KRT36: variants seen among roughly 807,000 people sequenced by gnomAD.
The protein encoded by KRT36 is keratin 36, also known as keratin, type I cuticular Ha6.
Under a neutral mutation model 43.0 loss-of-function variants are expected in KRT36, and 41 were observed. The observed-to-expected ratio is 0.95, with a 90% CI of 0.74 to 1.24. KRT36 has a LOEUF of 1.24. KRT36 is among the 50% of genes most tolerant of loss of function. KRT36 has a pLI of 0.00. For missense variants in KRT36, 627 were observed against 595.3 expected (o/e 1.05, Z -0.55); for synonymous variants, 277 against 252.9 (o/e 1.10, Z -0.90).
In KRT36 at chr17:41,489,859, G is replaced by T; in HGVS notation, c.6C>A (p.Ala2=). M[A]TQTCTPTFST... ...AGAAGGTAGGGGTGCAGGTCTGGGT[G>T]GCCATGGTGCTAGCAGAGGAAGGTT... Residue 2 remains alanine, a synonymous_variant, in exon 1 of 7, where the codon GCC becomes GCA. Coordinates refer to ENST00000328119, the MANE Select transcript of KRT36 (RefSeq NM_003771.5). 2 of 1,611,242 alleles carry T rather than the reference G, an allele frequency of 1.2e-6. No homozygotes were observed. The highest frequency in any genetic ancestry group is 2.7e-5 in the African/African-American group (2 of 74,960).
intron 4 of KRT36, 41 bp from the exon 5 acceptor site, chr17:41,487,517 C>T (rs1284193865): frequency 6.2e-6 from 10 of 1,613,136 alleles, no homozygotes; most frequent in Non-Finnish European, 2.5e-6. Flanking sequence ...TCAAACCAAG[C>T]TACTTCCAAG....
rs202091233 is a variant in KRT36 at position 41,486,964 on chromosome 17, C to G, written c.1194G>C (p.Glu398Asp). 4.3e-6 allele frequency: 7 copies of G among 1,613,000 alleles called. No individual in the cohort carries two copies. In the African/African-American group the frequency reaches 6.7e-5, roughly 15 times the overall value. ...GGGCCACTCACTTGCAGTCCTCTCC[C>G]TCCAGCAGGTGGCGGTAGGTAGCGA... Reference protein sequence around the residue: ...GEIATYRHLLEGEDCKLPPQP... With the variant: ...GEIATYRHLLDGEDCKLPPQP... The change falls in exon 6 of 7, where the codon GAG (glutamate) becomes GAC (aspartate). Residue 398 changes from glutamate to aspartate, a missense_variant. Transcript: ENST00000328119.
At chr17:41,487,205 G>T in intron 5 of KRT36, 35 bp from the exon 6 acceptor site, 1 of 1,597,216 alleles carries the variant, frequency 6.3e-7, no homozygotes. Context: ...GCCTATTGGG[G>T]AGGAATCCCC....
chr17:41,488,863 A>G (rs1904482757), intron 1 of KRT36, 139 bp from the exon 2 acceptor site: 2 of 722,356 alleles, frequency 2.8e-6, no homozygotes, highest in Non-Finnish European at 4.9e-6. Context: ...GCCACACCCC[A>G]GGTGTGGGGG....
intron 5 of KRT36, 37 bp downstream of exon 5, chr17:41,487,314 C>A: frequency 6.2e-7 from 1 of 1,600,668 alleles, no homozygotes; most frequent in Non-Finnish European, 8.5e-7. Context: ...GGACCTGCCA[C>A]AGGCCGTGGC....
rs117481918 is a variant in KRT36, at chr17:41,489,424, G to C, written c.441C>G (p.Ile147Met). Residue 147 changes from isoleucine (I) to methionine (M), a missense_variant, in exon 1 of 7, where the codon ATC becomes ATG. Ile to Met is a conservative substitution (Grantham distance 10). Coordinates refer to ENST00000328119, the MANE Select transcript of KRT36 (RefSeq NM_003771.5). Reference protein sequence around the residue: ...CPDYQSYFKTIEDFQQKILLT... With the variant: ...CPDYQSYFKTMEDFQQKILLT... ...CCCTCACCTTCTGCTGGAAATCTTC[G>C]ATGGTCTTGAAGTAGGACTGGTAGT... 4.2e-5 allele frequency: 68 copies of C among 1,613,178 alleles called. 1 individual carries two copies. Among genetic ancestry groups the C allele is most frequent in the South Asian group, 6.6e-5 (6 of 91,082 alleles).
At chr17:41,487,298 C>T in intron 5 of KRT36, 53 bp downstream of exon 5, 1 of 1,584,126 alleles carries the variant, frequency 6.3e-7, no homozygotes, top group Non-Finnish European at 8.6e-7. Context: ...GAGGCTGGTG[C>T]GTCGGGGACC....
chr17:41,486,261 T>C lies in KRT36; in HGVS notation c.*115A>G. 5.3e-6 allele frequency: 4 copies of C among 760,000 alleles called. No individual in the cohort carries two copies. The South Asian group carries it at 7.3e-5, about 14-fold the overall frequency. 47.1% of individuals were successfully genotyped at this position (760,000 alleles called of 1,614,324 possible). ...CGGGGAGTGTTTTGGTAGAAAAACC[T>C]GCTAAGCGTAGGGGGACCCCTCTAG... On this transcript the variant is annotated 3_prime_UTR_variant, in exon 7 of 7. Transcript: ENST00000328119.
rs150707929 is a variant in KRT36, at chr17:41,489,811, G to A, written c.54C>T (p.Leu18=). 6 of 1,613,746 alleles carry A rather than the reference G, an allele frequency of 3.7e-6. No individual in the cohort carries two copies. The highest frequency in any genetic ancestry group is 4.2e-6 in the Non-Finnish European group (5 of 1,180,004). The change falls in exon 1 of 7, where the codon CTC becomes CTT. Residue 18 remains leucine, a synonymous_variant. Transcript: ENST00000328119. ...GAGAGATGCCGCCTGCTGTGCCACA[G>A]AGGCCCTTGATAGACCCAGTGGAGA... ...PTFSTGSIKG[L]CGTAGGISRV... is the part of the protein sequence containing the mutation.
Position 41,489,761 on chromosome 17 carries a change from C to T in KRT36, c.104G>A (p.Gly35Asp). The part of the protein sequence containing the change: ...ISRVSSIRSV[G>D]SCRVPSLAGA... ...GGCGAGACTGGGGACCCTGCAGGAG[C>T]CCACAGAACGGATGGAGGACACCCG... The change falls in exon 1 of 7, where the codon GGC becomes GAC. Residue 35 changes from glycine to aspartate, a missense_variant. Physicochemically the swap from Gly to Asp is moderately conservative, Grantham distance 94. Coordinates refer to ENST00000328119, the MANE Select transcript of KRT36 (RefSeq NM_003771.5). The T allele has an allele frequency of 6.2e-7, 1 of 1,613,968 alleles. No individual in the cohort carries two copies. Among genetic ancestry groups the T allele is most frequent in the Non-Finnish European group, 8.5e-7 (1 of 1,179,976 alleles).
intron 6 of KRT36, 87 bp downstream of exon 6, chr17:41,486,863 C>A: frequency 7.9e-7 from 1 of 1,258,774 alleles, no homozygotes; most frequent in Admixed American, 2.0e-5. Flanking sequence ...TTCCCTTCAT[C>A]TGGGCGACAA....
At position 41,489,561 on chromosome 17, in the gene KRT36, C is replaced by G; in HGVS notation, c.304G>C (p.Asp102His). The change falls in exon 1 of 7, where the codon GAC becomes CAC. Residue 102 changes from aspartate (D) to histidine (H), a missense_variant. Transcript: ENST00000328119. ...TTCTCCAGGTAGTTGGCCAGGCGGT[C>G]GTTCAGGAACTGCATAGTCTCCTTC... ...SEKETMQFLN[D>H]RLANYLEKVR... 1 of 1,614,178 alleles carries G rather than the reference C, an allele frequency of 6.2e-7. No individual in the cohort carries two copies. Among genetic ancestry groups the G allele is most frequent in the Non-Finnish European group, 8.5e-7 (1 of 1,180,046 alleles).
In KRT36 at chr17:41,489,900, G is replaced by T. The variant is rs1904524499; in HGVS notation, c.-36C>A. 5.8e-6 allele frequency: 9 copies of T among 1,560,936 alleles called. No individual in the cohort carries two copies. The highest frequency in any genetic ancestry group is 7.9e-6 in the Non-Finnish European group (9 of 1,138,362). ...GAGGAAGGTTGCAGCTTAGCAAGGA[G>T]CTCAGGTTCTGGACTCTCAAGGCCT... On this transcript the variant is annotated 5_prime_UTR_variant, in exon 1 of 7. Coordinates refer to ENST00000328119, the MANE Select transcript of KRT36 (RefSeq NM_003771.5).
chr17:41,487,533 C>G, intron 4 of KRT36, 43 bp downstream of exon 4: 1 of 1,613,004 alleles, frequency 6.2e-7, no homozygotes, highest in East Asian at 2.2e-5. Context: ...CCAAGGGTAA[C>G]CCCAGCCCAG....
rs1156674499 is a variant in KRT36 at position 41,488,331 on chromosome 17, T to G, written c.611A>C (p.Asp204Ala). Residue 204 changes from aspartate (D) to alanine (A), a missense_variant, in exon 3 of 7, where the codon GAT (aspartate) becomes GCT (alanine). Physicochemically the swap from Asp to Ala is moderately radical, Grantham distance 126 (BLOSUM62 -2). Coordinates refer to ENST00000328119, the MANE Select transcript of KRT36 (RefSeq NM_003771.5). ...ADINGLRRIL[D>A]ELTLCKADLE... ...GTCAGCCTTGCACAGGGTCAGCTCATCCAGGATCCTACGCAGGCCGTTGAT... is the reference window on the plus strand; with the variant it reads ...GTCAGCCTTGCACAGGGTCAGCTCAGCCAGGATCCTACGCAGGCCGTTGAT... The G allele has an allele frequency of 4.3e-6, 7 of 1,614,146 alleles. No individual in the cohort carries two copies. In the South Asian group the frequency reaches 7.7e-5, roughly 18 times the overall value.
rs761401874 is a variant in KRT36, at chr17:41,488,403, C to T, written c.543-4G>A. On this transcript the variant is annotated splice_region_variant and splice_polypyrimidine_tract_variant and intron_variant, in intron 2 of 6. Transcript: ENST00000328119. Reference sequence around the variant, plus strand: ...CAGAGACAGCTCTGTCTCATACCTGCACACACAGAACCCTGCCAAGTCTGC... The same window carrying T: ...CAGAGACAGCTCTGTCTCATACCTGTACACACAGAACCCTGCCAAGTCTGC... 3 of 1,613,268 alleles carry T rather than the reference C, an allele frequency of 1.9e-6. No individual in the cohort carries two copies. The highest frequency in any genetic ancestry group is 4.5e-5 in the East Asian group (2 of 44,886).
Position 41,487,641 on chromosome 17 carries a change from T to G in KRT36, c.796A>C (p.Arg266=). Reference sequence around the variant, plus strand: ...TCCACCAGGGCCTCGTACTGGCATCTCATATCCTCCAGGATCTTGTTGAGA... The same window carrying G: ...TCCACCAGGGCCTCGTACTGGCATCGCATATCCTCCAGGATCTTGTTGAGA... ...VDLNKILEDM[R]CQYEALVENN... Residue 266 remains arginine, a synonymous_variant, in exon 4 of 7, where the codon AGA becomes CGA. Transcript: ENST00000328119. 1 of 1,614,184 alleles carries G rather than the reference T, an allele frequency of 6.2e-7. No homozygotes were observed. The highest frequency in any genetic ancestry group is 8.5e-7 in the Non-Finnish European group (1 of 1,180,022).
At position 41,486,587 on chromosome 17, in the gene KRT36, C is replaced by T. The variant is rs1904389163; in HGVS notation, c.1209-16G>A. The T allele has an allele frequency of 5.2e-6, 8 of 1,536,230 alleles. No homozygotes were observed. Among genetic ancestry groups the T allele is most frequent in the Non-Finnish European group, 7.0e-6 (8 of 1,141,864 alleles). ...GGGAGGAAGCCTGAGGAAACAAAATCATGCAGGGTGCATTTGGCATCGGAG... is the reference window on the plus strand; with the variant it reads ...GGGAGGAAGCCTGAGGAAACAAAATTATGCAGGGTGCATTTGGCATCGGAG... On this transcript the variant is annotated splice_polypyrimidine_tract_variant and intron_variant, in intron 6 of 6. Coordinates refer to ENST00000328119, the MANE Select transcript of KRT36 (RefSeq NM_003771.5).
At position 41,486,516 on chromosome 17, in the gene KRT36, C is replaced by G. The variant is rs1270147058; in HGVS notation, c.1264G>C (p.Val422Leu). 4 of 1,607,750 alleles carry G rather than the reference C, an allele frequency of 2.5e-6. No individual in the cohort carries two copies. The highest frequency in any genetic ancestry group is 3.4e-6 in the Non-Finnish European group (4 of 1,177,574). ...GAGGGGACACAGGGCACCGGGGGGA[C>G]AGAAGGAACTCTAATAACAGGCTTG... ...ACKPVIRVPS[V>L]PPVPCVPSVP... The change falls in exon 7 of 7, where the codon GTC (valine) becomes CTC (leucine). Residue 422 changes from valine (V) to leucine (L), a missense_variant. Coordinates refer to ENST00000328119, the MANE Select transcript of KRT36 (RefSeq NM_003771.5).
Sources: allele counts gnomAD v4.1 joint callset, GRCh38; gene constraint gnomAD v4.1.1; transcripts MANE v1.5; gene names NCBI Gene and HGNC (gene_info 2026-07-23, HGNC 2026-07-21).